The following RBFOX3 variants were observed in gnomAD, a reference collection of about 807,000 sequenced individuals.
RBFOX3 encodes RNA binding fox-1 homolog 3.
In RBFOX3, 17 loss-of-function variants were observed where a neutral mutation model predicts 48.7. That is an observed-to-expected ratio of 0.35 (90% CI 0.24 to 0.52). RBFOX3 has a LOEUF of 0.52. Among genes scored for constraint, RBFOX3 ranks in the 20% least tolerant of loss-of-function variants. RBFOX3 has a pLI of 0.94. For synonymous variants in RBFOX3, 212 were observed against 209.5 expected (o/e 1.01, Z -0.10); for missense variants, 382 against 497.5 (o/e 0.77, Z 2.21).
chr17:79,611,195 C>CGCTCTCCGCCCTCCT (rs2093966268), upstream of RBFOX3, among the ~76,000 whole-genome samples: 1 of 132,568 alleles, frequency 7.5e-6, no homozygotes, highest in African/African-American at 2.8e-5. Flanking sequence ...CTCTCTCTCT[C>CGCTCTCCGCCCTCCT]TCTCTCTCTC....
intron 1 of RBFOX3, among the ~76,000 whole-genome samples, chr17:79,486,086 G>C (rs2079549641): frequency 6.6e-6 from 1 of 152,240 alleles, no homozygotes; most frequent in Non-Finnish European, 1.5e-5. Context: ...CAGGCTTGTG[G>C]CTGGCAGAAG....
chr17:79,547,559 C>CT lies in RBFOX3; in HGVS notation c.-320+63266dup, dbSNP rs782243901. Among the ~76,000 whole-genome samples, 8 of 152,304 alleles carry CT rather than the reference C, an allele frequency of 5.3e-5. No homozygotes were observed. The South Asian group carries it at 1.0e-3, about 20-fold the overall frequency. ...CCCCAGACAAGCCCTCCTGAACCCT[C>CT]TCTCCTCAGAACTGGAGCTGAGTCC... On this transcript the variant is annotated intron_variant, in intron 1 of 14. Coordinates refer to ENST00000693108, the MANE Select transcript of RBFOX3 (RefSeq NM_001350451.2).
intron 4 of RBFOX3, among the ~76,000 whole-genome samples, chr17:79,133,806 T>C (rs2039533738): frequency 6.6e-6 from 1 of 152,170 alleles, no homozygotes; most frequent in African/African-American, 2.4e-5. Context: ...TCCCAGGGCC[T>C]TGTGAGGACA....
intron 2 of RBFOX3, among the ~76,000 whole-genome samples, chr17:79,401,540 C>T (rs2062805770): frequency 6.6e-6 from 1 of 152,184 alleles, no homozygotes; most frequent in African/African-American, 2.4e-5. Flanking sequence ...ACCCTGCCTT[C>T]AGTGCAGAGG....
chr17:79,117,522 C>T (rs1323935951), intron 4 of RBFOX3, among the ~76,000 whole-genome samples: 1 of 152,222 alleles, frequency 6.6e-6, no homozygotes, highest in Non-Finnish European at 1.5e-5. Flanking sequence ...CGGTCTTTCT[C>T]CCGCTTCCCT....
At chr17:79,618,303 G>C in the RBFOX3 span, among the ~76,000 whole-genome samples, 1 of 152,192 alleles carries the variant, frequency 6.6e-6, no homozygotes, top group African/African-American at 2.4e-5. Flanking sequence ...GTCCACTCAG[G>C]GGCCCACAGG....
intron 4 of RBFOX3, among the ~76,000 whole-genome samples, chr17:79,119,003 TAAAATAA>T (rs143183723): frequency 1.5e-5 from 2 of 135,906 alleles, no homozygotes; most frequent in East Asian, 2.6e-4. Context: ...ATAAAGAAAA[TAAAATAA>T]AAAAGAAAGC....
intron 4 of RBFOX3, among the ~76,000 whole-genome samples, chr17:79,177,215 C>G (rs540165617): frequency 4.6e-5 from 7 of 152,128 alleles, no homozygotes; most frequent in African/African-American, 1.2e-4. Context: ...CCTCTCCCCC[C>G]CCGCCCTCTC....
rs751312586 is a variant in RBFOX3, at chr17:79,204,074, G to A, written c.-34+31692C>T. Among the ~76,000 whole-genome samples the A allele has an allele frequency of 6.6e-6, 1 of 152,168 alleles. No individual in the cohort carries two copies. Among genetic ancestry groups the A allele is most frequent in the Non-Finnish European group, 1.5e-5 (1 of 68,030 alleles). On this transcript the variant is annotated intron_variant, in intron 4 of 14. Coordinates refer to ENST00000693108, the MANE Select transcript of RBFOX3 (RefSeq NM_001350451.2). The surrounding 1 kb of genome is among the most constrained non-coding windows in gnomAD (Gnocchi z 4.5). ...CAGACTTTTCTCACCTGGAGAACCA[G>A]CAAAGACCTCAACTGAGAAATTTTC...
At chr17:79,516,836 A>T (rs2085311332) in intron 1 of RBFOX3, among the ~76,000 whole-genome samples, 1 of 152,324 alleles carries the variant, frequency 6.6e-6, no homozygotes, top group South Asian at 2.1e-4. Flanking sequence ...ACACGCTGCA[A>T]TATGGATGGA....
intron 1 of RBFOX3, among the ~76,000 whole-genome samples, chr17:79,574,007 A>G (rs1287427012): frequency 2.0e-5 from 3 of 152,194 alleles, no homozygotes; most frequent in Non-Finnish European, 4.4e-5. Context: ...GCGAGCCCCC[A>G]GGGGTGGGCT....
At chr17:79,264,471 G>A (rs1179309789) in intron 3 of RBFOX3, among the ~76,000 whole-genome samples, 1 of 151,822 alleles carries the variant, frequency 6.6e-6, no homozygotes, top group Admixed American at 6.6e-5. Context: ...TCCCAAGTTG[G>A]TAGGATTACA....
chr17:79,267,451 C>A (rs529918252), intron 3 of RBFOX3, among the ~76,000 whole-genome samples: 2 of 151,932 alleles, frequency 1.3e-5, no homozygotes, highest in African/African-American at 4.8e-5. Context: ...AGTACAGTGG[C>A]GCGATCTCGG....
chr17:79,579,587 G>A lies in RBFOX3; in HGVS notation c.-320+31239C>T, dbSNP rs2092978132. Among the ~76,000 whole-genome samples, 3 of 152,254 alleles carry A rather than the reference G, an allele frequency of 2.0e-5. No individual in the cohort carries two copies. In the South Asian group the frequency reaches 6.2e-4, roughly 32 times the overall value. The stretch of plus-strand genomic sequence containing the variant: ...AGTGATGAAGGAGAGGAGGAGGCAA[G>A]CTCCGGGGCTGGCGGGAGCTGGAGA... On this transcript the variant is annotated intron_variant, in intron 1 of 14. Coordinates refer to ENST00000693108, the MANE Select transcript of RBFOX3 (RefSeq NM_001350451.2).
At chr17:79,232,947 C>T (rs979809760) in intron 4 of RBFOX3, among the ~76,000 whole-genome samples, 1 of 152,186 alleles carries the variant, frequency 6.6e-6, no homozygotes, top group Non-Finnish European at 1.5e-5. Flanking sequence ...TTTGGAAAAC[C>T]GTTTGGCACT....
the RBFOX3 span, among the ~76,000 whole-genome samples, chr17:79,665,531 C>T: frequency 6.6e-6 from 1 of 152,006 alleles, no homozygotes; most frequent in Admixed American, 6.6e-5. Context: ...TAAGTGGGGC[C>T]TTGTGCCTCT....
At chr17:79,496,877 G>A (rs1341013955) in intron 1 of RBFOX3, among the ~76,000 whole-genome samples, 2 of 152,192 alleles carry the variant, frequency 1.3e-5, no homozygotes, top group Non-Finnish European at 2.9e-5. Context: ...GACAATGTCT[G>A]CCACGTAGCA....
At chr17:79,656,806 GAAA>G in the RBFOX3 span, among the ~76,000 whole-genome samples, 8 of 97,988 alleles carry the variant, frequency 8.2e-5, no homozygotes, top group African/African-American at 4.3e-4. Context: ...AAGAAAGAAA[GAAA>G]AGAAAGAGAA....
chr17:79,234,825 G>A (rs1338828379), intron 4 of RBFOX3: 5 of 137,260 alleles, frequency 3.6e-5, no homozygotes, highest in South Asian at 2.4e-4. Context: ...TCCGCCTCCC[G>A]GGTTCAAGTG....
Sources: allele counts gnomAD v4.1 joint callset (sites outside exome capture counted in the v4.1 genomes callset), GRCh38; gene constraint gnomAD v4.1.1; non-coding constraint Gnocchi (gnomAD v3.1); transcripts MANE v1.5; gene names NCBI Gene and HGNC (gene_info 2026-07-23, HGNC 2026-07-21).